The following ERBB4 variants were observed in gnomAD, a reference collection of about 807,000 sequenced individuals.
ERBB4 encodes the protein erb-b2 receptor tyrosine kinase 4.
In ERBB4, 42 loss-of-function variants were observed where a neutral mutation model predicts 158.0. The ratio of observed to expected loss-of-function variants is 0.27; its 90% confidence interval spans 0.21 to 0.34. The LOEUF is 0.34. Ranked by LOEUF, ERBB4 falls within the 10% of genes least tolerant of loss-of-function variation. ERBB4 has a pLI of 1.00. For synonymous variants in ERBB4, 583 were observed against 558.7 expected, an observed-to-expected ratio of 1.04 and a Z score of -0.61; for missense variants, 1,333 against 1,624.1, an observed-to-expected ratio of 0.82 and a Z score of 3.08.
At chr2:212,212,754 CAT>C (rs2082977889) in intron 1 of ERBB4, among the ~76,000 whole-genome samples, 1 of 151,862 alleles carries the variant, frequency 6.6e-6, no homozygotes, top group Admixed American at 6.6e-5. Context: ...AGACCTCAGA[CAT>C]AACACCACAC....
intron 1 of ERBB4, among the ~76,000 whole-genome samples, chr2:212,349,953 C>G (rs561766527): frequency 6.6e-6 from 1 of 151,864 alleles, no homozygotes; most frequent in East Asian, 1.9e-4. Context: ...GAAGATTTGT[C>G]CTTGAAAAAA....
chr2:212,211,811 C>T (rs2082945307), intron 1 of ERBB4, among the ~76,000 whole-genome samples: 2 of 151,872 alleles, frequency 1.3e-5, no homozygotes, highest in Admixed American at 1.3e-4. Flanking sequence ...TGAGAACATG[C>T]AGTGTTTGGG....
chr2:211,772,998 G>T (rs1345129828), intron 4 of ERBB4, among the ~76,000 whole-genome samples: 1 of 131,548 alleles, frequency 7.6e-6, no homozygotes, highest in African/African-American at 2.9e-5. Context: ...TGCCCAGGTT[G>T]CTCTCAAATT....
chr2:212,005,038 T>C (rs1016887666), intron 2 of ERBB4, among the ~76,000 whole-genome samples: 12 of 152,142 alleles, frequency 7.9e-5, no homozygotes, highest in African/African-American at 2.9e-4. Context: ...AGCTATATGA[T>C]TGAATTAACT....
chr2:212,192,008 A>ATATGTTATATATTATATGT (rs1559707043), intron 1 of ERBB4, among the ~76,000 whole-genome samples: 3 of 65,950 alleles, frequency 4.5e-5, no homozygotes, highest in South Asian at 8.3e-4. Context: ...GTTATATATA[A>ATATGTTATATATTATATGT]TATATGTTAT....
At chr2:211,541,469 A>C (rs1409239987) in intron 20 of ERBB4, among the ~76,000 whole-genome samples, 1 of 151,944 alleles carries the variant, frequency 6.6e-6, no homozygotes, top group Admixed American at 6.6e-5. Flanking sequence ...TTATACCCAG[A>C]AAGACAGTGT....
At chr2:212,243,976 T>C (rs529689556) in intron 1 of ERBB4, among the ~76,000 whole-genome samples, 55 of 152,266 alleles carry the variant, frequency 3.6e-4, no homozygotes, top group African/African-American at 1.3e-3. Flanking sequence ...TGGAATATGG[T>C]ATTCAAGTTA....
At chr2:212,172,065 A>G (rs1367595616) in intron 1 of ERBB4, among the ~76,000 whole-genome samples, 1 of 152,156 alleles carries the variant, frequency 6.6e-6, no homozygotes, top group African/African-American at 2.4e-5. Context: ...AATTTAAACA[A>G]ATTACAAGAA....
intron 1 of ERBB4, among the ~76,000 whole-genome samples, chr2:212,269,830 C>A (rs191525430): frequency 6.6e-6 from 1 of 151,738 alleles, no homozygotes; most frequent in Non-Finnish European, 1.5e-5. Flanking sequence ...CTACTCTTTG[C>A]CTTGTTTCCT....
At chr2:212,457,347 T>G (rs1236750460) in intron 1 of ERBB4, among the ~76,000 whole-genome samples, 1 of 151,478 alleles carries the variant, frequency 6.6e-6, no homozygotes, top group Non-Finnish European at 1.5e-5. Context: ...CTGGTTTAAT[T>G]TTCTTTATCC....
chr2:212,234,460 T>C (rs1453824465), intron 1 of ERBB4, among the ~76,000 whole-genome samples: 2 of 152,234 alleles, frequency 1.3e-5, no homozygotes, highest in Non-Finnish European at 2.9e-5. Flanking sequence ...CATGTGTCTT[T>C]ATAATAGAAT....
At chr2:212,500,352 C>T (rs1032614524) in intron 1 of ERBB4, among the ~76,000 whole-genome samples, 2 of 152,142 alleles carry the variant, frequency 1.3e-5, no homozygotes, top group Non-Finnish European at 2.9e-5. Context: ...TGGCAGTTTT[C>T]TCTAATTGAA....
chr2:211,991,872 C>T (rs2082082011), intron 2 of ERBB4, among the ~76,000 whole-genome samples: 1 of 152,114 alleles, frequency 6.6e-6, no homozygotes, highest in East Asian at 1.9e-4. Flanking sequence ...AGTAGAAGTA[C>T]AATGGGGTGA....
intron 23 of ERBB4, among the ~76,000 whole-genome samples, 163 bp downstream of exon 23, chr2:211,423,992 A>G (rs1321423872): frequency 6.6e-6 from 1 of 152,028 alleles, no homozygotes; most frequent in East Asian, 1.9e-4. Context: ...GTATTACTTT[A>G]TATTAATAAT....
chr2:211,725,338 A>G, intron 5 of ERBB4, 144 bp from the exon 6 acceptor site: 1 of 673,858 alleles, frequency 1.5e-6, no homozygotes, highest in South Asian at 1.7e-5. Context: ...CTAGATCAAA[A>G]TTTTTATACA....
At chr2:211,946,225 G>A (rs2080686227) in intron 3 of ERBB4, among the ~76,000 whole-genome samples, 1 of 151,898 alleles carries the variant, frequency 6.6e-6, no homozygotes, top group African/African-American at 2.4e-5. Flanking sequence ...AACACAATCA[G>A]TATTCCTTTC....
At chr2:211,750,800 A>C in intron 4 of ERBB4, 96 bp from the exon 5 acceptor site, 1 of 1,058,722 alleles carries the variant, frequency 9.4e-7, no homozygotes, top group Non-Finnish European at 1.5e-6. Flanking sequence ...CTGCTCCTTT[A>C]TGAGGATTTT....
chr2:211,646,882 A>G (rs1471378747), intron 16 of ERBB4, among the ~76,000 whole-genome samples: 1 of 151,676 alleles, frequency 6.6e-6, no homozygotes, highest in Non-Finnish European at 1.5e-5. Flanking sequence ...AACACATTGC[A>G]AATTATTGAT....
At chr2:211,883,301 G>A (rs1366230388) in intron 3 of ERBB4, among the ~76,000 whole-genome samples, 1 of 152,136 alleles carries the variant, frequency 6.6e-6, no homozygotes, top group African/African-American at 2.4e-5. Flanking sequence ...CTGTTGTGGG[G>A]TGGGTGGAGC....
Sources: allele counts gnomAD v4.1 joint callset (sites outside exome capture counted in the v4.1 genomes callset), GRCh38; gene constraint gnomAD v4.1.1; transcripts MANE v1.5; gene names NCBI Gene and HGNC (gene_info 2026-07-23, HGNC 2026-07-21).